CELF2: variants seen among roughly 807,000 people sequenced by gnomAD.
CELF2 encodes the protein CUGBP Elav-like family member 2, also known as CUG triplet repeat RNA-binding protein 2.
In CELF2, 8 loss-of-function variants were observed where a neutral mutation model predicts 62.6. The ratio of observed to expected loss-of-function variants is 0.13; its 90% CI spans 0.07 to 0.23. The LOEUF is 0.23. CELF2 is among the 10% of genes least tolerant of loss of function. The pLI, the probability that CELF2 is intolerant of heterozygous loss-of-function variation, is 1.00. For synonymous variants in CELF2, 258 were observed against 250.0 expected (o/e 1.03, Z -0.30); for missense variants, 333 against 671.0 (o/e 0.50, Z 5.56).
intron 9 of CELF2, among the ~76,000 whole-genome samples, chr10:11,310,936 A>G (rs1447481228): frequency 6.6e-6 from 1 of 152,218 alleles, no homozygotes; most frequent in African/African-American, 2.4e-5. Context: ...AACTCAGAGA[A>G]GGGGTAGCAT....
chr10:11,091,029 C>G lies in CELF2; in HGVS notation c.74+72866C>G, dbSNP rs76888367. Among the ~76,000 whole-genome samples the G allele has an allele frequency of 8.1e-3, 1,231 of 152,238 alleles. 17 individuals are homozygous for G. Among genetic ancestry groups the G allele is most frequent in the African/African-American group, 0.028 (1,178 of 41,532 alleles). ...AATCCATAGTTAATGTGTTCAAGAT[C>G]ATGTGTAGACTTAAATATCAATTAT... is the stretch of plus-strand genomic sequence containing the variant. On this transcript the variant is annotated intron_variant, in intron 1 of 12. Transcript: ENST00000633077.
the CELF2 span, among the ~76,000 whole-genome samples, chr10:10,604,827 A>C: frequency 6.6e-6 from 1 of 152,338 alleles, no homozygotes; most frequent in South Asian, 2.1e-4. Context: ...TGTTCTTTGA[A>C]TATGTATATT....
At chr10:10,932,667 T>C (rs1426935159) in intron 2 of CELF2, among the ~76,000 whole-genome samples, 6 of 129,490 alleles carry the variant, frequency 4.6e-5, no homozygotes, top group Admixed American at 4.5e-4. Flanking sequence ...AAAGTAAATA[T>C]GTATGTGTAT....
the CELF2 span, among the ~76,000 whole-genome samples, chr10:10,505,367 C>T: frequency 6.6e-6 from 1 of 152,090 alleles, no homozygotes; most frequent in Non-Finnish European, 1.5e-5. Context: ...CCTCCACTGA[C>T]ACCATGGTGA....
chr10:10,465,452 T>C, the CELF2 span, among the ~76,000 whole-genome samples: 23 of 152,164 alleles, frequency 1.5e-4, no homozygotes, highest in Admixed American at 1.2e-3. Flanking sequence ...AATGTTTGCT[T>C]CTCTCATTTG....
At chr10:11,241,285 T>A (rs2073817711) in intron 3 of CELF2, among the ~76,000 whole-genome samples, 1 of 152,224 alleles carries the variant, frequency 6.6e-6, no homozygotes, top group South Asian at 2.1e-4. Flanking sequence ...CTGCAACCTC[T>A]TCCTCCCAGG....
intron 5 of CELF2, among the ~76,000 whole-genome samples, chr10:11,265,706 A>G (rs2082021238): frequency 1.3e-5 from 2 of 152,280 alleles, no homozygotes; most frequent in African/African-American, 4.8e-5. Flanking sequence ...ACGCTGGTGC[A>G]GGAAGCAGGA....
At chr10:10,776,850 C>A in the CELF2 span, among the ~76,000 whole-genome samples, 5 of 152,240 alleles carry the variant, frequency 3.3e-5, no homozygotes, top group Non-Finnish European at 5.9e-5. Flanking sequence ...CATTGGCCAG[C>A]GGCCACTTGG....
chr10:11,032,744 C>T (rs988986850), intron 1 of CELF2, among the ~76,000 whole-genome samples: 11 of 152,082 alleles, frequency 7.2e-5, no homozygotes, highest in Admixed American at 3.3e-4. Context: ...AAATAATTGA[C>T]GAAGGTTGCT....
the CELF2 span, among the ~76,000 whole-genome samples, chr10:10,781,295 A>G: frequency 1.3e-5 from 2 of 152,208 alleles, no homozygotes; most frequent in African/African-American, 4.8e-5. Context: ...ACATTTGCCT[A>G]TAGTATTTGG....
rs1352389724 is a variant in CELF2, at chr10:11,330,206, A to C, written c.*1153A>C. 1 of 152,518 alleles carries C rather than the reference A, an allele frequency of 6.6e-6. No individual in the cohort carries two copies. The highest frequency in any genetic ancestry group is 1.5e-5 in the Non-Finnish European group (1 of 68,026). The allele number at this position is 152,518 out of a possible 1,614,324, so 9.4% of individuals were successfully genotyped here. Reference sequence around the variant, plus strand: ...CGTATGTCACATTTGTTGAAACTGGACCTTCTCCCCCTGTCCCTCACCCCA... The same window carrying C: ...CGTATGTCACATTTGTTGAAACTGGCCCTTCTCCCCCTGTCCCTCACCCCA... On this transcript the variant is annotated 3_prime_UTR_variant, in exon 13 of 13. Coordinates refer to ENST00000633077, the MANE Select transcript of CELF2 (RefSeq NM_001326342.2). The surrounding 1 kb of genome is among the most constrained non-coding windows in gnomAD (Gnocchi z 4.5).
intron 2 of CELF2, among the ~76,000 whole-genome samples, chr10:11,172,710 A>G (rs1032359192): frequency 5.3e-5 from 8 of 152,186 alleles, no homozygotes; most frequent in Non-Finnish European, 1.0e-4. Flanking sequence ...AAGGAGGGAG[A>G]CAAAAAAGAC....
intron 1 of CELF2, among the ~76,000 whole-genome samples, chr10:11,068,700 A>G (rs2068836142): frequency 6.6e-6 from 1 of 151,938 alleles, no homozygotes; most frequent in South Asian, 2.1e-4. Context: ...AGCTGGGGCT[A>G]CAGGTGCCTG....
chr10:10,651,020 TGCGCGAGCCGAA>T, the CELF2 span, among the ~76,000 whole-genome samples: 1 of 151,762 alleles, frequency 6.6e-6, no homozygotes, highest in Non-Finnish European at 1.5e-5. Context: ...GCGCGCACCG[TGCGCGAGCCGAA>T]GCAGGGCGAG....
intron 8 of CELF2, among the ~76,000 whole-genome samples, chr10:11,275,648 A>G (rs1313292242): frequency 6.6e-6 from 1 of 152,246 alleles, no homozygotes; most frequent in African/African-American, 2.4e-5. Flanking sequence ...AGTTGACAGA[A>G]TCATGCATCA....
At chr10:10,775,989 A>G in the CELF2 span, among the ~76,000 whole-genome samples, 1 of 152,196 alleles carries the variant, frequency 6.6e-6, no homozygotes, top group African/African-American at 2.4e-5. Flanking sequence ...GGCCTGCCCA[A>G]TGTGTTTACA....
intron 1 of CELF2, among the ~76,000 whole-genome samples, chr10:11,061,894 C>T (rs2066829110): frequency 6.6e-6 from 1 of 152,182 alleles, no homozygotes; most frequent in Non-Finnish European, 1.5e-5. Flanking sequence ...CTCACTGTAA[C>T]CTTTGCGGCC....
intron 1 of CELF2, among the ~76,000 whole-genome samples, chr10:11,133,871 G>A (rs575356007): frequency 3.3e-5 from 5 of 152,304 alleles, no homozygotes; most frequent in African/African-American, 1.2e-4. Context: ...GGACTTTGAA[G>A]TCTTTAAAGA....
the CELF2 span, among the ~76,000 whole-genome samples, chr10:10,530,882 C>T: frequency 6.6e-6 from 1 of 152,158 alleles, no homozygotes; most frequent in African/African-American, 2.4e-5. Context: ...CTTTTTAATG[C>T]CGTGTCTTCA....
Sources: allele counts gnomAD v4.1 joint callset (sites outside exome capture counted in the v4.1 genomes callset), GRCh38; gene constraint gnomAD v4.1.1; non-coding constraint Gnocchi (gnomAD v3.1); transcripts MANE v1.5; gene names NCBI Gene and HGNC (gene_info 2026-07-23, HGNC 2026-07-21).